DMXL1: variants seen among roughly 807,000 people sequenced by gnomAD.
DMXL1 encodes Dmx like 1.
Under a neutral mutation model 319.2 loss-of-function variants are expected in DMXL1, and 99 were observed. The observed-to-expected ratio is 0.31, with a 90% CI of 0.26 to 0.37. The LOEUF (loss-of-function observed/expected upper bound fraction) is 0.37. Among genes scored for constraint, DMXL1 ranks in the 10% least tolerant of loss-of-function variants. DMXL1 has a pLI of 1.00. For missense variants in DMXL1, 3,745 were observed against 3,595.6 expected (o/e 1.04, Z -1.06); for synonymous variants, 1,385 against 1,235.2 (o/e 1.12, Z -2.54).
At chr5:119,214,417 C>G (rs1783323364) in intron 34 of DMXL1, among the ~76,000 whole-genome samples, 1 of 152,158 alleles carries the variant, frequency 6.6e-6, no homozygotes, top group South Asian at 2.1e-4. Flanking sequence ...TTCTCAAACC[C>G]TTTATGTTTT....
intron 4 of DMXL1, among the ~76,000 whole-genome samples, chr5:119,107,394 T>G (rs1386953456): frequency 6.6e-6 from 1 of 152,180 alleles, no homozygotes; most frequent in Non-Finnish European, 1.5e-5. Flanking sequence ...CAGAGAGAGA[T>G]ATAAAACTAT....
At chr5:119,083,517 C>T (rs1338002704) in intron 1 of DMXL1, among the ~76,000 whole-genome samples, 1 of 152,026 alleles carries the variant, frequency 6.6e-6, no homozygotes, top group African/African-American at 2.4e-5. Context: ...AATGGAATTG[C>T]TGGATCATAC....
intron 15 of DMXL1, among the ~76,000 whole-genome samples, 188 bp from the exon 16 acceptor site, chr5:119,146,649 A>C (rs1193075916): frequency 6.6e-6 from 1 of 152,048 alleles, no homozygotes; most frequent in Non-Finnish European, 1.5e-5. Context: ...TATTGTAAAA[A>C]TTTTAAGTTA....
intron 33 of DMXL1, 51 bp from the exon 34 acceptor site, chr5:119,206,783 G>A (rs1781822257): frequency 1.8e-6 from 2 of 1,135,984 alleles, no homozygotes; most frequent in Non-Finnish European, 2.5e-6. Flanking sequence ...TATTTTGCAT[G>A]TTACATCTCA....
At chr5:119,129,665 A>T (rs1007134781) in intron 10 of DMXL1, among the ~76,000 whole-genome samples, 1 of 152,180 alleles carries the variant, frequency 6.6e-6, no homozygotes, top group Non-Finnish European at 1.5e-5. Context: ...GGACTTTCCT[A>T]TATAAAGGAC....
chr5:119,136,670 A>G (rs1766059206), intron 13 of DMXL1, among the ~76,000 whole-genome samples: 2 of 152,356 alleles, frequency 1.3e-5, no homozygotes, highest in Admixed American at 6.5e-5. Flanking sequence ...AGCTCCAGCC[A>G]TGGCTAAAAG....
In DMXL1 at chr5:119,221,024, C is replaced by T. The variant is rs751162158; in HGVS notation, c.8220C>T (p.Gly2740=). Residue 2740 remains glycine (G), a synonymous_variant, in exon 37 of 44, where the codon GGC becomes GGT. Coordinates refer to ENST00000539542, the MANE Select transcript of DMXL1 (RefSeq NM_001290321.3). The part of the protein sequence containing the change: ...GTTPYTHSNP[G]TPINMPWLGS... ...CTCCATATACACATAGCAATCCTGG[C>T]ACTCCAATCAACATGCCATGGCTTG... 1.2e-6 allele frequency: 2 copies of T among 1,613,862 alleles called. No homozygotes were observed. The highest frequency in any genetic ancestry group is 1.1e-5 in the South Asian group (1 of 91,064).
At chr5:119,137,945 C>CA (rs1372261694) in intron 13 of DMXL1, among the ~76,000 whole-genome samples, 3 of 152,298 alleles carry the variant, frequency 2.0e-5, no homozygotes, top group Non-Finnish European at 2.9e-5. Context: ...CTGGCCAGGT[C>CA]ATATGAAGCC....
Position 119,133,217 on chromosome 5 carries a change from T to C in DMXL1, c.1401T>C (p.Phe467=). ...GCDKMVPNSS[F]TSLSSAAIDH... is the part of the protein sequence containing the mutation. ...ATAAAATGGTACCAAACTCAAGTTT[T>C]ACATCATTATCGTCAGCTGCCATTG... The change falls in exon 11 of 44, where the codon TTT becomes TTC. Residue 467 remains phenylalanine (F), a synonymous_variant. Coordinates refer to ENST00000539542, the MANE Select transcript of DMXL1 (RefSeq NM_001290321.3). 1 of 1,614,218 alleles carries C rather than the reference T, an allele frequency of 6.2e-7. No individual in the cohort carries two copies. Among genetic ancestry groups the C allele is most frequent in the South Asian group, 1.1e-5 (1 of 91,086 alleles).
chr5:119,111,808 A>T (rs781075041), intron 5 of DMXL1, among the ~76,000 whole-genome samples: 27 of 151,534 alleles, frequency 1.8e-4, no homozygotes, highest in Non-Finnish European at 3.5e-4. Flanking sequence ...TTTTAACAAG[A>T]TATAGCACAT....
intron 4 of DMXL1, 30 bp from the exon 5 acceptor site, chr5:119,110,121 A>G (rs752555916): frequency 4.5e-6 from 7 of 1,559,356 alleles, no homozygotes; most frequent in East Asian, 2.4e-5. Flanking sequence ...AAATACCTAA[A>G]TAATAAATGA....
chr5:119,128,078 A>C (rs1248475852), intron 9 of DMXL1: 2 of 459,832 alleles, frequency 4.3e-6, no homozygotes, highest in Non-Finnish European at 8.6e-6. Flanking sequence ...AGTAACCAAC[A>C]ATTACTATTA....
chr5:119,154,893 GC>G lies in DMXL1; in HGVS notation c.4702+2859del, dbSNP rs368516509. 7.2e-5 allele frequency among the ~76,000 whole-genome samples: 11 copies of G among 152,336 alleles called. No homozygotes were observed. The South Asian group carries it at 1.9e-3, about 26-fold the overall frequency. ...TAATGCAGCTGGTAACTAAGTTGAA[GC>G]CAATGCCCATTTACCATTCTGAAAA... On this transcript the variant is annotated intron_variant, in intron 19 of 43. Coordinates refer to ENST00000539542, the MANE Select transcript of DMXL1 (RefSeq NM_001290321.3).
intron 28 of DMXL1, 53 bp downstream of exon 28, chr5:119,178,297 C>A: frequency 1.9e-6 from 3 of 1,538,776 alleles, no homozygotes; most frequent in South Asian, 2.4e-5. Context: ...TGAGTGATAT[C>A]ATTCTCAAAC....
intron 5 of DMXL1, among the ~76,000 whole-genome samples, chr5:119,113,749 C>G (rs1410367900): frequency 2.0e-5 from 3 of 152,074 alleles, no homozygotes; most frequent in African/African-American, 7.2e-5. Context: ...CTACCTGTAT[C>G]AACTTTTCTG....
In DMXL1 at chr5:119,247,251, C is replaced by G. The variant is rs1407200090; in HGVS notation, c.*32C>G. The G allele has an allele frequency of 6.6e-7, 1 of 1,505,332 alleles. No individual in the cohort carries two copies. The highest frequency in any genetic ancestry group is 9.2e-7 in the Non-Finnish European group (1 of 1,088,982). The allele number at this position is 1,505,332 out of a possible 1,614,324, so 93.2% of individuals were successfully genotyped here. A position where few individuals can be genotyped will look rare whatever the true frequency, so the allele number is the denominator to read the frequency against. ...TACAATAAGATGTACAATTTATTAC[C>G]TATATGGAAGTGGCCAACAGATATA... On this transcript the variant is annotated 3_prime_UTR_variant, in exon 44 of 44. Coordinates refer to ENST00000539542, the MANE Select transcript of DMXL1 (RefSeq NM_001290321.3).
At chr5:119,216,837 G>T (rs749300702) in intron 34 of DMXL1, 64 bp from the exon 35 acceptor site, 2 of 818,040 alleles carry the variant, frequency 2.4e-6, no homozygotes, top group Admixed American at 2.1e-5. Flanking sequence ...TGATAGATTG[G>T]CATATATTAT....
rs922742506 is a variant in DMXL1 at position 119,196,396 on chromosome 5, G to T, written c.7483G>T (p.Val2495Leu). The change falls in exon 31 of 44, where the codon GTG becomes TTG. Residue 2495 changes from valine (V) to leucine (L), a missense_variant. Val to Leu is a conservative substitution (Grantham distance 32). This residue lies in a region of DMXL1 where 1,382 missense variants were observed against 1,269.5 expected (regional missense o/e 1.09). Transcript: ENST00000539542. The stretch of plus-strand genomic sequence containing the variant: ...TTGGTCCTTGATGCGGTTGGCGATG[G>T]TGCAATTGGTGCTCAACAATTTGAA... ...YSWSLMRLAM[V>L]QLVLNNLKTF... 3.1e-6 allele frequency: 5 copies of T among 1,613,842 alleles called. No homozygotes were observed. The highest frequency in any genetic ancestry group is 4.2e-6 in the Non-Finnish European group (5 of 1,179,838).
intron 35 of DMXL1, among the ~76,000 whole-genome samples, chr5:119,218,182 G>T (rs1472387799): frequency 2.6e-5 from 4 of 151,982 alleles, no homozygotes; most frequent in Non-Finnish European, 5.9e-5. Context: ...TTTGATACCA[G>T]CCTGGGCAAC....
Sources: allele counts gnomAD v4.1 joint callset (sites outside exome capture counted in the v4.1 genomes callset), GRCh38; gene constraint gnomAD v4.1.1; regional missense constraint gnomAD v4.1.1; transcripts MANE v1.5; gene names NCBI Gene and HGNC (gene_info 2026-07-23, HGNC 2026-07-21).